The following NCEH1 variants were observed in gnomAD, a reference collection of about 807,000 sequenced individuals.
NCEH1 encodes 2-acetyl MAGE hydrolase.
A neutral mutation model predicts 25.4 loss-of-function variants in NCEH1; 9 were observed. That is an observed-to-expected ratio of 0.35 (90% CI 0.21 to 0.62). The LOEUF is 0.62. NCEH1 is among the 20% of genes least tolerant of loss of function. The pLI, the probability that NCEH1 is intolerant of heterozygous loss-of-function variation, is 0.72. For missense variants in NCEH1, 412 were observed against 501.1 expected, an observed-to-expected ratio of 0.82 and a Z score of 1.70; for synonymous variants, 200 against 199.8, an observed-to-expected ratio of 1.00 and a Z score of -0.01.
chr3:172,680,514 G>A (rs1437799065), intron 1 of NCEH1, among the ~76,000 whole-genome samples: 13 of 152,182 alleles, frequency 8.5e-5, no homozygotes. Context: ...ACACCAGGTT[G>A]GAGTCATCTC....
In NCEH1 at chr3:172,711,030, C is replaced by A. The variant is rs61744433; in HGVS notation, c.-46G>T. ...CAGCGGGCTGGCAAAGAGGAAAGGG[C>A]GATACCACCCGGAGACCTCCGGCAA... On this transcript the variant is annotated 5_prime_UTR_variant, in exon 1 of 5. Transcript: ENST00000475381. The A allele has an allele frequency of 1.2e-6, 2 of 1,612,936 alleles. No homozygotes were observed. The highest frequency in any genetic ancestry group is 2.7e-5 in the African/African-American group (2 of 74,936).
At chr3:172,680,215 C>T (rs763407486) in intron 1 of NCEH1, among the ~76,000 whole-genome samples, 1 of 152,100 alleles carries the variant, frequency 6.6e-6, no homozygotes, top group East Asian at 1.9e-4. Context: ...TCAATCTTAC[C>T]GATTTTCTTT....
intron 1 of NCEH1, among the ~76,000 whole-genome samples, chr3:172,657,780 C>A (rs1170887451): frequency 6.6e-6 from 1 of 152,186 alleles, no homozygotes; most frequent in Non-Finnish European, 1.5e-5. Context: ...CATTTCTCAC[C>A]ACCCTACCCC....
intron 1 of NCEH1, among the ~76,000 whole-genome samples, chr3:172,660,347 C>T (rs552148075): frequency 1.6e-3 from 249 of 152,124 alleles, no homozygotes; most frequent in African/African-American, 2.4e-3. Flanking sequence ...GGTGTATATG[C>T]GCCACATTTT....
At chr3:172,655,268 TA>T (rs1194005035) in intron 1 of NCEH1, among the ~76,000 whole-genome samples, 1 of 152,130 alleles carries the variant, frequency 6.6e-6, no homozygotes, top group Non-Finnish European at 1.5e-5. Flanking sequence ...CTTGCCTCCA[TA>T]ACCATTCCAG....
chr3:172,659,357 C>T (rs1373340178), intron 1 of NCEH1, among the ~76,000 whole-genome samples: 1 of 152,178 alleles, frequency 6.6e-6, no homozygotes, highest in Non-Finnish European at 1.5e-5. Context: ...ACTTGGGCCT[C>T]AGAACCTGGC....
intron 1 of NCEH1, among the ~76,000 whole-genome samples, chr3:172,698,683 TA>T (rs1180365124): frequency 6.6e-6 from 1 of 152,228 alleles, no homozygotes; most frequent in African/African-American, 2.4e-5. Flanking sequence ...AATTAACATT[TA>T]GTCAGAAACA....
rs1259923705 is a variant in NCEH1, at chr3:172,631,701, C to T, written c.*1774G>A. ...TGACTTCTGTTTTGTACATAAAATG[C>T]TACTGGCTCATACAATACATCAATA... On this transcript the variant is annotated 3_prime_UTR_variant, in exon 5 of 5. Transcript: ENST00000475381. 6.6e-6 allele frequency: 1 copy of T among 152,576 alleles called. No individual in the cohort carries two copies. Among genetic ancestry groups the T allele is most frequent in the African/African-American group, 2.4e-5 (1 of 41,446 alleles). 9.5% of individuals were successfully genotyped at this position (152,576 alleles called of 1,614,324 possible).
intron 1 of NCEH1, among the ~76,000 whole-genome samples, chr3:172,688,349 A>AG (rs1401900447): frequency 7.3e-5 from 11 of 151,150 alleles, no homozygotes; most frequent in African/African-American, 1.9e-4. Flanking sequence ...AAAAAAAAAA[A>AG]AAAGAAAATG....
intron 4 of NCEH1, among the ~76,000 whole-genome samples, chr3:172,635,265 A>G (rs1716547077): frequency 1.3e-5 from 2 of 152,220 alleles, no homozygotes. Context: ...TTAGAATGAC[A>G]GATGGTATTT....
At chr3:172,699,695 T>G (rs913265531) in intron 1 of NCEH1, among the ~76,000 whole-genome samples, 1 of 152,014 alleles carries the variant, frequency 6.6e-6, no homozygotes, top group African/African-American at 2.4e-5. Context: ...GGAGACCTCA[T>G]CTCTACAAAA....
intron 1 of NCEH1, among the ~76,000 whole-genome samples, chr3:172,703,387 G>A (rs1560211115): frequency 6.6e-6 from 1 of 151,930 alleles, no homozygotes; most frequent in Non-Finnish European, 1.5e-5. Flanking sequence ...AATTAGCCGG[G>A]CATCATGGCG....
chr3:172,642,439 G>A (rs934173192), intron 3 of NCEH1, among the ~76,000 whole-genome samples: 3 of 151,718 alleles, frequency 2.0e-5, no homozygotes, highest in Admixed American at 6.6e-5. Context: ...GCCTCCCAAC[G>A]TGTTGGGATT....
chr3:172,699,553 G>A (rs1713568278), intron 1 of NCEH1, among the ~76,000 whole-genome samples: 1 of 152,134 alleles, frequency 6.6e-6, no homozygotes, highest in Non-Finnish European at 1.5e-5. Flanking sequence ...GTTTGACTGA[G>A]AATCACTCTG....
intron 1 of NCEH1, among the ~76,000 whole-genome samples, chr3:172,653,732 T>G (rs201334378): frequency 1.6e-5 from 1 of 60,936 alleles, no homozygotes. Context: ...TTGTTGTTGT[T>G]CTGTTTTTTT....
At position 172,638,275 on chromosome 3, in the gene NCEH1, C is replaced by CAAAAAAAAAAAAAAAAAA. The variant is rs1560178436; in HGVS notation, c.438-2189_438-2188insTTTTTTTTTTTTTTTTTT. 2.4e-5 allele frequency among the ~76,000 whole-genome samples: 2 copies of CAAAAAAAAAAAAAAAAAA among 81,900 alleles called. 1 individual carries two copies. The highest frequency in any genetic ancestry group is 8.2e-5 in the African/African-American group (2 of 24,382). 53.7% of individuals were successfully genotyped at this position (81,900 alleles called of 152,430 possible). A position where few individuals can be genotyped will look rare whatever the true frequency, so the allele number is the denominator to read the frequency against. On this transcript the variant is annotated intron_variant, in intron 3 of 4. Coordinates refer to ENST00000475381, the MANE Select transcript of NCEH1 (RefSeq NM_020792.6). ...CCTGGGCGACAGAACGAGACTCTGT[C>CAAAAAAAAAAAAAAAAAA]CAAAAAAAAAAAAAAAAAAAAAAAA...
At chr3:172,671,751 T>G (rs531622627) in intron 1 of NCEH1, among the ~76,000 whole-genome samples, 24 of 151,916 alleles carry the variant, frequency 1.6e-4, no homozygotes, top group Non-Finnish European at 2.6e-4. Flanking sequence ...CATACACACA[T>G]GCACACAGGC....
At chr3:172,646,459 T>TA (rs1221116895) in intron 2 of NCEH1, among the ~76,000 whole-genome samples, 6 of 152,210 alleles carry the variant, frequency 3.9e-5, no homozygotes, top group African/African-American at 1.4e-4. Context: ...AATGAACACG[T>TA]AAAAAACTAG....
Position 172,654,397 on chromosome 3 carries a change from A to G in NCEH1, c.139-6283T>C, listed in dbSNP as rs141284164. Among the ~76,000 whole-genome samples, 122 of 152,376 alleles carry G rather than the reference A, an allele frequency of 8.0e-4. 1 individual carries two copies. Among genetic ancestry groups the G allele is most frequent in the Non-Finnish European group, 1.4e-3 (92 of 68,038 alleles). Reference sequence around the variant, plus strand: ...ATAAGAAGCCCTTTATGAGTCAGTTATCACTGATATTACACCTCTGCTCCA... The same window carrying G: ...ATAAGAAGCCCTTTATGAGTCAGTTGTCACTGATATTACACCTCTGCTCCA... On this transcript the variant is annotated intron_variant, in intron 1 of 4. Coordinates refer to ENST00000475381, the MANE Select transcript of NCEH1 (RefSeq NM_020792.6).
Sources: allele counts gnomAD v4.1 joint callset (sites outside exome capture counted in the v4.1 genomes callset), GRCh38; gene constraint gnomAD v4.1.1; transcripts MANE v1.5; gene names NCBI Gene and HGNC (gene_info 2026-07-23, HGNC 2026-07-21).